KIF15: variants seen among roughly 807,000 people sequenced by gnomAD.
KIF15 encodes the protein kinesin-like protein KIF15.
In KIF15, 140 loss-of-function variants were observed where a neutral mutation model predicts 190.6. The observed-to-expected ratio is 0.73, with a 90% CI of 0.64 to 0.84. The LOEUF (loss-of-function observed/expected upper bound fraction) is 0.84. Among genes scored for constraint, KIF15 ranks in the 40% least tolerant of loss-of-function variants. KIF15 has a pLI of 0.00. For synonymous variants in KIF15, 528 were observed against 551.3 expected (o/e 0.96, Z 0.59); for missense variants, 1,372 against 1,584.4 (o/e 0.87, Z 2.28).
chr3:44,856,888 C>T (rs62242562), downstream of KIF15, among the ~76,000 whole-genome samples: 2,590 of 152,212 alleles, frequency 0.017, 41 homozygotes, highest in Non-Finnish European at 0.026. Context: ...AATACTGACA[C>T]GTAGTCCTTT....
intron 23 of KIF15, 131 bp downstream of exon 23, chr3:44,827,659 C>A: frequency 1.9e-6 from 1 of 535,116 alleles, no homozygotes; most frequent in Non-Finnish European, 3.3e-6. Flanking sequence ...GAATTTGGGG[C>A]TGGTTCTATT....
intron 20 of KIF15, among the ~76,000 whole-genome samples, chr3:44,816,432 G>A (rs1182098184): frequency 3.7e-5 from 4 of 109,112 alleles, no homozygotes; most frequent in Non-Finnish European, 5.4e-5. Context: ...GATGTTCCCC[G>A]CCCTGTGTCC....
At chr3:44,815,720 T>C (rs1358144699) in intron 20 of KIF15, among the ~76,000 whole-genome samples, 1 of 152,262 alleles carries the variant, frequency 6.6e-6, no homozygotes, top group African/African-American at 2.4e-5. Flanking sequence ...TAGTTTATTC[T>C]TTGTTATTTA....
In KIF15 at chr3:44,781,063, T is replaced by C. The variant is rs1014204581; in HGVS notation, c.361+141T>C. Reference sequence around the variant, plus strand: ...GGAAATTCCCTAGGCTTCTGCCAAGTTGTGAGTTCTTTGCTAGCAAAGTCC... The same window carrying C: ...GGAAATTCCCTAGGCTTCTGCCAAGCTGTGAGTTCTTTGCTAGCAAAGTCC... On this transcript the variant is annotated intron_variant, in intron 5 of 34. Coordinates refer to ENST00000326047, the MANE Select transcript of KIF15 (RefSeq NM_020242.3). 4.5e-6 allele frequency: 3 copies of C among 671,488 alleles called. No homozygotes were observed. In the African/African-American group the frequency reaches 5.5e-5, roughly 12 times the overall value. 41.6% of individuals were successfully genotyped at this position (671,488 alleles called of 1,614,324 possible). A position where few individuals can be genotyped will look rare whatever the true frequency, so the allele number is the denominator to read the frequency against.
At chr3:44,849,636 T>TA (rs1383230655) in intron 32 of KIF15, among the ~76,000 whole-genome samples, 1 of 152,150 alleles carries the variant, frequency 6.6e-6, no homozygotes, top group Non-Finnish European at 1.5e-5. Flanking sequence ...AGTTCCTTTC[T>TA]ACACCCTGCA....
At chr3:44,856,029 T>C (rs1295946832), downstream of KIF15, among the ~76,000 whole-genome samples, 1 of 152,134 alleles carries the variant, frequency 6.6e-6, no homozygotes, top group Non-Finnish European at 1.5e-5. Context: ...TTTCACTGAA[T>C]ACCAAGAGCC....
intron 20 of KIF15, among the ~76,000 whole-genome samples, chr3:44,821,492 C>T (rs1479923621): frequency 9.9e-5 from 15 of 151,290 alleles, no homozygotes; most frequent in Admixed American, 5.9e-4. Flanking sequence ...GACGGGGCGG[C>T]GGGGCAGAGG....
Position 44,799,979 on chromosome 3 carries a change from G to C in KIF15, c.1099-335G>C, listed in dbSNP as rs555806628. Among the ~76,000 whole-genome samples, 82 of 152,208 alleles carry C rather than the reference G, an allele frequency of 5.4e-4. 1 individual carries two copies. The highest frequency in any genetic ancestry group is 7.4e-4 in the Non-Finnish European group (50 of 68,008). On this transcript the variant is annotated intron_variant, in intron 10 of 34. Coordinates refer to ENST00000326047, the MANE Select transcript of KIF15 (RefSeq NM_020242.3). ...AGGTATTGGCTCTTCTCCATTGGGA[G>C]GGTGGGGGAAGGCTGTCGTTCTCAG...
chr3:44,830,953 C>G lies in KIF15; in HGVS notation c.3106C>G (p.Gln1036Glu), dbSNP rs1559577472. Residue 1036 changes from glutamine to glutamate, a missense_variant, in exon 26 of 35, where the codon CAG becomes GAG. Coordinates refer to ENST00000326047, the MANE Select transcript of KIF15 (RefSeq NM_020242.3). Reference protein sequence around the residue: ...REESRVLIKKQEVDILDLKET... With the variant: ...REESRVLIKKEEVDILDLKET... Reference sequence around the variant, plus strand: ...AGAGAGCAGAGTGTTGATCAAGAAGCAGGAAGTGGATATTCTGGATCTGAA... The same window carrying G: ...AGAGAGCAGAGTGTTGATCAAGAAGGAGGAAGTGGATATTCTGGATCTGAA... The G allele has an allele frequency of 2.5e-6, 4 of 1,613,802 alleles. No homozygotes were observed. Among genetic ancestry groups the G allele is most frequent in the East Asian group, 2.2e-5 (1 of 44,866 alleles).
chr3:44,832,305 A>C (rs1463250927), intron 26 of KIF15, among the ~76,000 whole-genome samples: 1 of 152,136 alleles, frequency 6.6e-6, no homozygotes, highest in Admixed American at 6.6e-5. Context: ...TGTCTTGAGG[A>C]ACGTCAGCTG....
chr3:44,814,769 G>C (rs1707951187), intron 19 of KIF15, 142 bp from the exon 20 acceptor site: 2 of 527,564 alleles, frequency 3.8e-6, no homozygotes, highest in Non-Finnish European at 6.4e-6. Context: ...AGTGCTGCTA[G>C]GTACCCGCCA....
intron 5 of KIF15, among the ~76,000 whole-genome samples, chr3:44,783,976 G>A (rs950043163): frequency 3.3e-5 from 5 of 151,982 alleles, no homozygotes; most frequent in African/African-American, 4.8e-5. Context: ...CCTTTTCCCA[G>A]TGTAACAAAA....
chr3:44,848,208 AT>A, intron 31 of KIF15, 151 bp downstream of exon 31: 1 of 626,216 alleles, frequency 1.6e-6, no homozygotes, highest in Non-Finnish European at 2.8e-6. Context: ...TACCATTAGT[AT>A]TTAGACACAG....
chr3:44,829,681 A>C (rs1284158531), intron 24 of KIF15, among the ~76,000 whole-genome samples: 1 of 124,156 alleles, frequency 8.1e-6, no homozygotes, highest in Non-Finnish European at 1.6e-5. Context: ...ATATATGTAT[A>C]TATATTATAG....
At chr3:44,790,695 C>CTTTTTT (rs56414094) in intron 7 of KIF15, among the ~76,000 whole-genome samples, 510 of 97,862 alleles carry the variant, frequency 5.2e-3, no homozygotes, top group Non-Finnish European at 6.6e-3. Flanking sequence ...TTTTCTGTTT[C>CTTTTTT]TTTTTTTTTT....
At chr3:44,855,663 T>G (rs141276911), downstream of KIF15, among the ~76,000 whole-genome samples, 3 of 152,040 alleles carry the variant, frequency 2.0e-5, no homozygotes, top group African/African-American at 4.8e-5. Context: ...AGAAAGATTT[T>G]GGGGTGAGGG....
At chr3:44,817,936 TCTC>T (rs1250909544) in intron 20 of KIF15, among the ~76,000 whole-genome samples, 1 of 152,214 alleles carries the variant, frequency 6.6e-6, no homozygotes, top group South Asian at 2.1e-4. Flanking sequence ...GGTTTGTAGT[TCTC>T]CTTGAAGAGG....
chr3:44,761,872 C>T lies in KIF15; in HGVS notation c.7C>T (p.Pro3Ser). The change falls in exon 1 of 35, where the codon CCC (proline) becomes TCC (serine). Residue 3 changes from proline to serine, a missense_variant. Transcript: ENST00000326047. MA[P>S]GCKTELRSVT... ...ATCGAGGGGTGAGGGCGCTATGGCA[C>T]CCGGCTGCAAAAGTAAGTCTGGGCC... 1.2e-6 allele frequency: 2 copies of T among 1,614,166 alleles called. No homozygotes were observed. Among genetic ancestry groups the T allele is most frequent in the Non-Finnish European group, 1.7e-6 (2 of 1,180,026 alleles).
At position 44,828,331 on chromosome 3, in the gene KIF15, T is replaced by C. The variant is rs370618640; in HGVS notation, c.2943+31T>C. On this transcript the variant is annotated intron_variant, in intron 24 of 34. Transcript: ENST00000326047. Reference sequence around the variant, plus strand: ...TAGAGTTTGAAGCTACATCTCTCTGTGCATTTTCTTATAAATGCTAGTTTA... The same window carrying C: ...TAGAGTTTGAAGCTACATCTCTCTGCGCATTTTCTTATAAATGCTAGTTTA... The C allele has an allele frequency of 3.4e-6, 5 of 1,464,166 alleles. No individual in the cohort carries two copies. In the Admixed American group the frequency reaches 8.5e-5, roughly 25 times the overall value. The allele number at this position is 1,464,166 out of a possible 1,614,324, so 90.7% of individuals were successfully genotyped here. A position where few individuals can be genotyped will look rare whatever the true frequency, so the allele number is the denominator to read the frequency against.
Sources: allele counts gnomAD v4.1 joint callset (sites outside exome capture counted in the v4.1 genomes callset), GRCh38; gene constraint gnomAD v4.1.1; transcripts MANE v1.5; gene names NCBI Gene and HGNC (gene_info 2026-07-23, HGNC 2026-07-21).